Variants in RASSF3 observed in about 807,000 individuals in gnomAD.
RASSF3 encodes the protein ras association domain-containing protein 3.
RASSF3 carries 19 observed loss-of-function variants against 19.9 expected under a neutral mutation model. That is an observed-to-expected ratio of 0.96 (90% confidence interval 0.67 to 1.40). The LOEUF is 1.40. Among genes scored for constraint, RASSF3 ranks in the 40% most tolerant of loss-of-function variants. RASSF3 has a pLI of 0.00. For missense variants in RASSF3, 306 were observed against 289.8 expected (o/e 1.06, Z -0.41); for synonymous variants, 110 against 104.2 (o/e 1.06, Z -0.34).
At chr12:64,558,081 G>A (rs1869282627) in intron 2 of RASSF3, among the ~76,000 whole-genome samples, 1 of 152,098 alleles carries the variant, frequency 6.6e-6, no homozygotes, top group South Asian at 2.1e-4. Flanking sequence ...AATATAGTAG[G>A]CTTGCCAAAA....
chr12:64,551,278 C>A (rs1420914042), intron 2 of RASSF3, among the ~76,000 whole-genome samples: 1 of 152,122 alleles, frequency 6.6e-6, no homozygotes, highest in Non-Finnish European at 1.5e-5. Flanking sequence ...AATAGGCGGG[C>A]ACTATAACAT....
intron 2 of RASSF3, among the ~76,000 whole-genome samples, chr12:64,578,721 G>A (rs1437047266): frequency 6.6e-6 from 1 of 152,212 alleles, no homozygotes; most frequent in Non-Finnish European, 1.5e-5. Context: ...AAATCCACCT[G>A]ACCCTGAAGG....
At chr12:64,554,107 C>T (rs920082555) in intron 2 of RASSF3, among the ~76,000 whole-genome samples, 5 of 152,074 alleles carry the variant, frequency 3.3e-5, no homozygotes, top group African/African-American at 9.7e-5. Context: ...ATTTGAAGAA[C>T]ACAACAGAAC....
chr12:64,600,398 C>T (rs542599371), intron 2 of RASSF3, among the ~76,000 whole-genome samples: 7 of 152,142 alleles, frequency 4.6e-5, no homozygotes, highest in African/African-American at 1.4e-4. Flanking sequence ...TAAACTAGTA[C>T]TTTAATGAGC....
chr12:64,584,145 CA>C (rs1469715959), intron 2 of RASSF3, among the ~76,000 whole-genome samples: 11 of 152,324 alleles, frequency 7.2e-5, no homozygotes, highest in African/African-American at 2.4e-4. Flanking sequence ...TTATGAGCTG[CA>C]GCAAAACTCA....
intron 1 of RASSF3, among the ~76,000 whole-genome samples, chr12:64,639,895 C>G (rs1871455595): frequency 6.6e-6 from 1 of 152,198 alleles, no homozygotes; most frequent in African/African-American, 2.4e-5. Context: ...GCCACAAGGT[C>G]TGTGATGTGT....
At chr12:64,584,503 G>GA (rs11461888) in intron 2 of RASSF3, among the ~76,000 whole-genome samples, 70,451 of 112,472 alleles carry the variant, frequency 0.63, 19,843 homozygotes, top group Non-Finnish European at 0.66. Flanking sequence ...TCCAGGCTAA[G>GA]AAAAAAAAAA....
chr12:64,633,745 C>A (rs1392678076), intron 1 of RASSF3, among the ~76,000 whole-genome samples: 4 of 152,022 alleles, frequency 2.6e-5, no homozygotes, highest in Admixed American at 2.6e-4. Context: ...GGGTAATAGG[C>A]AGAGATTAGA....
chr12:64,609,987 G>A (rs116761617), upstream of RASSF3, among the ~76,000 whole-genome samples: 921 of 152,250 alleles, frequency 6.0e-3, 10 homozygotes, highest in African/African-American at 0.021. Flanking sequence ...CTCCTGGAGG[G>A]GCGAGCTGCT....
chr12:64,658,528 A>G (rs11175506), intron 1 of RASSF3, among the ~76,000 whole-genome samples: 153 of 152,336 alleles, frequency 1.0e-3, no homozygotes, highest in African/African-American at 3.6e-3. Context: ...TACGGCAGGC[A>G]CAGTGGCTCA....
intron 2 of RASSF3, among the ~76,000 whole-genome samples, chr12:64,577,629 G>A (rs1156460429): frequency 6.6e-6 from 1 of 152,152 alleles, no homozygotes; most frequent in Non-Finnish European, 1.5e-5. Flanking sequence ...CTACTGAGGA[G>A]GCTGAGGCAC....
At chr12:64,578,073 G>A (rs1488727399) in intron 2 of RASSF3, among the ~76,000 whole-genome samples, 1 of 151,336 alleles carries the variant, frequency 6.6e-6, no homozygotes, top group Non-Finnish European at 1.5e-5. Context: ...ACAAAAATTA[G>A]CTGGGCATGG....
At chr12:64,684,416 T>C (rs1873258334) in intron 1 of RASSF3, among the ~76,000 whole-genome samples, 2 of 117,958 alleles carry the variant, frequency 1.7e-5, no homozygotes, top group East Asian at 4.7e-4. Flanking sequence ...TCCTGACTTA[T>C]CTGTTTGTTT....
chr12:64,599,039 C>G (rs1480256578), intron 2 of RASSF3: 1 of 152,146 alleles, frequency 6.6e-6, no homozygotes. Context: ...GTTCCCCTCT[C>G]TATCTCTTGA....
intron 1 of RASSF3, among the ~76,000 whole-genome samples, chr12:64,652,968 A>G (rs1251057559): frequency 1.3e-5 from 2 of 152,184 alleles, no homozygotes; most frequent in African/African-American, 4.8e-5. Flanking sequence ...TCTGAGGGTT[A>G]GGAGGGAAGG....
intron 1 of RASSF3, among the ~76,000 whole-genome samples, chr12:64,539,600 A>T (rs562101350): frequency 1.3e-5 from 2 of 152,074 alleles, no homozygotes; most frequent in East Asian, 3.9e-4. Flanking sequence ...ACATGGTGAA[A>T]CCCCATCTCT....
rs144131631 is a variant in RASSF3 at position 64,638,664 on chromosome 12, G to C, written c.111+27921G>C. On this transcript the variant is annotated intron_variant, in intron 1 of 4. Coordinates refer to ENST00000542104, the MANE Select transcript of RASSF3 (RefSeq NM_178169.4). ...ACATTGCATCATAGTTGAAGCCCTTGGGTCTCAATTGCTGGCCCCATTTGT... is the reference window on the plus strand; with the variant it reads ...ACATTGCATCATAGTTGAAGCCCTTCGGTCTCAATTGCTGGCCCCATTTGT... Among the ~76,000 whole-genome samples the C allele has an allele frequency of 4.2e-4, 64 of 151,538 alleles. No individual in the cohort carries two copies. In the East Asian group the frequency reaches 0.01, roughly 25 times the overall value.
chr12:64,654,548 C>T (rs4264239), intron 1 of RASSF3, among the ~76,000 whole-genome samples: 120,234 of 150,760 alleles, frequency 0.8, 48,303 homozygotes, highest in African/African-American at 0.88. Flanking sequence ...CTTCTGCCTG[C>T]AATCTCAGCA....
chr12:64,591,946 G>A (rs1402341611), intron 2 of RASSF3, among the ~76,000 whole-genome samples: 1 of 150,830 alleles, frequency 6.6e-6, no homozygotes, highest in Non-Finnish European at 1.5e-5. Context: ...GTGTCCCCTA[G>A]GCTAGAGTGC....
Sources: allele counts gnomAD v4.1 joint callset (sites outside exome capture counted in the v4.1 genomes callset), GRCh38; gene constraint gnomAD v4.1.1; transcripts MANE v1.5; gene names NCBI Gene and HGNC (gene_info 2026-07-23, HGNC 2026-07-21).